HDLBP: variants seen among roughly 807,000 people sequenced by gnomAD.
HDLBP encodes the protein high density lipoprotein binding protein, also known as vigilin.
Under a neutral mutation model 137.3 loss-of-function variants are expected in HDLBP, and 30 were observed. That is an observed-to-expected ratio of 0.22 (90% CI 0.16 to 0.30). The LOEUF is 0.30. HDLBP is among the 10% of genes least tolerant of loss of function. HDLBP has a pLI of 1.00. For synonymous variants in HDLBP, 606 were observed against 596.0 expected (o/e 1.02, Z -0.24); for missense variants, 1,119 against 1,667.3 (o/e 0.67, Z 5.73).
intron 27 of HDLBP, 70 bp from the exon 28 acceptor site, chr2:241,229,757 G>A (rs1023302291): frequency 1.4e-5 from 23 of 1,605,494 alleles, no homozygotes; most frequent in Non-Finnish European, 1.9e-5. Context: ...CGACGCAGTT[G>A]CCACCCTCAG....
In HDLBP at chr2:241,235,595, C is replaced by T; in HGVS notation, c.2905-1G>A. ...CTTCAATGGTGACAGGAACCAATGC[C>T]TGCAGGGAGGATGGTCATGGTTAGG... On this transcript the variant is annotated splice_acceptor_variant, in intron 21 of 27. Transcript: ENST00000310931. LOFTEE classifies it high-confidence loss of function. 1 of 1,608,654 alleles carries T rather than the reference C, an allele frequency of 6.2e-7. No individual in the cohort carries two copies. The highest frequency in any genetic ancestry group is 8.5e-7 in the Non-Finnish European group (1 of 1,175,062).
chr2:241,249,543 A>T, intron 12 of HDLBP: 1 of 558,630 alleles, frequency 1.8e-6, no homozygotes. Context: ...TGTCTGTCAC[A>T]ATCTCTGGAG....
chr2:241,295,108 A>G (rs2075129476), intron 1 of HDLBP, among the ~76,000 whole-genome samples: 1 of 152,206 alleles, frequency 6.6e-6, no homozygotes, highest in African/African-American at 2.4e-5. Flanking sequence ...TCTCAAAGAA[A>G]AAAAGGACAA....
intron 1 of HDLBP, among the ~76,000 whole-genome samples, chr2:241,289,089 A>G (rs138945422): frequency 6.6e-6 from 1 of 152,360 alleles, no homozygotes; most frequent in Non-Finnish European, 1.5e-5. Flanking sequence ...AAGAATCTGA[A>G]AGATTAATCT....
intron 21 of HDLBP, 112 bp downstream of exon 21, chr2:241,236,503 C>T (rs2070470563): frequency 1.9e-6 from 2 of 1,065,004 alleles, no homozygotes; most frequent in Non-Finnish European, 2.8e-6. Flanking sequence ...AGGGCTACCT[C>T]CACTGCCACT....
rs1244667046 is a variant in HDLBP at position 241,249,838 on chromosome 2, T to C, written c.1512+3A>G. On this transcript the variant is annotated splice_donor_region_variant and intron_variant, in intron 12 of 27. Coordinates refer to ENST00000310931, the MANE Select transcript of HDLBP (RefSeq NM_005336.6). The stretch of plus-strand genomic sequence containing the variant: ...TTCTAGAGGGCCCAGCCATGGCACT[T>C]ACCATGCGAGATGCAAGCTCCAGCA... 4 of 1,601,572 alleles carry C rather than the reference T, an allele frequency of 2.5e-6. No homozygotes were observed. Among genetic ancestry groups the C allele is most frequent in the Admixed American group, 1.7e-5 (1 of 57,612 alleles).
intron 4 of HDLBP, among the ~76,000 whole-genome samples, chr2:241,263,453 C>T (rs952210196): frequency 3.3e-5 from 5 of 152,036 alleles, no homozygotes; most frequent in South Asian, 2.1e-4. Flanking sequence ...GGGTCCCTCC[C>T]GTTGCTTTAT....
At chr2:241,250,843 G>A (rs1326744194) in intron 11 of HDLBP, 3 of 152,092 alleles carry the variant, frequency 2.0e-5, no homozygotes, top group African/African-American at 7.3e-5. Context: ...TTTAGATTAC[G>A]AAAGAAGACA....
chr2:241,242,301 G>GT (rs146855559), intron 17 of HDLBP, among the ~76,000 whole-genome samples, 159 bp downstream of exon 17: 12,040 of 152,244 alleles, frequency 0.079, 584 homozygotes, highest in Middle Eastern at 0.15. Context: ...AGGCCCTCCA[G>GT]TAACAGCAAA....
chr2:241,252,958 G>A lies in HDLBP; in HGVS notation c.1371C>T (p.Asn457=), dbSNP rs1205680154. 1.9e-6 allele frequency: 3 copies of A among 1,602,314 alleles called. No individual in the cohort carries two copies. Among genetic ancestry groups the A allele is most frequent in the Non-Finnish European group, 1.7e-6 (2 of 1,169,868 alleles). The change falls in exon 11 of 28, where the codon AAC becomes AAT. Residue 457 remains asparagine (N), a splice_region_variant and synonymous_variant. Coordinates refer to ENST00000310931, the MANE Select transcript of HDLBP (RefSeq NM_005336.6). The part of the protein sequence containing the change: ...HRHLIGKSGA[N]INRIKDQYKV... ...ACCGCAACAGACAGCCTCACTCACTGTTGGCACCGCTCTTCCCAATGAGGT... is the reference window on the plus strand; with the variant it reads ...ACCGCAACAGACAGCCTCACTCACTATTGGCACCGCTCTTCCCAATGAGGT...
At chr2:241,276,726 A>G (rs997446030) in intron 1 of HDLBP, among the ~76,000 whole-genome samples, 9 of 152,222 alleles carry the variant, frequency 5.9e-5, no homozygotes, top group African/African-American at 2.2e-4. Context: ...AGAGAAGGTC[A>G]AGAACTTAAA....
intron 1 of HDLBP, among the ~76,000 whole-genome samples, chr2:241,289,530 T>C (rs181415058): frequency 1.4e-4 from 21 of 152,248 alleles, no homozygotes; most frequent in Admixed American, 1.1e-3. Flanking sequence ...GATCAGAACA[T>C]TACCATGTAA....
intron 1 of HDLBP, among the ~76,000 whole-genome samples, chr2:241,293,886 C>A (rs1426021387): frequency 1.1e-4 from 14 of 122,608 alleles, no homozygotes; most frequent in South Asian, 2.7e-4. Context: ...TGCACCACTG[C>A]AATCCAGCCT....
intron 1 of HDLBP, among the ~76,000 whole-genome samples, chr2:241,297,533 T>A (rs964287272): frequency 6.6e-6 from 1 of 152,200 alleles, no homozygotes; most frequent in Non-Finnish European, 1.5e-5. Flanking sequence ...ATGTTTTGTA[T>A]ATGTATGTAT....
Position 241,230,481 on chromosome 2 carries a change from G to A in HDLBP, c.3475-212C>T, listed in dbSNP as rs1220621028. ...CCCAGCAGACAGAGGGCCGCAGCAC[G>A]TACTGTGCGCTCTTGCATGAAATTC... On this transcript the variant is annotated intron_variant, in intron 25 of 27. Transcript: ENST00000310931. The surrounding 1 kb of genome is among the most constrained non-coding windows in gnomAD (Gnocchi z 5.0). 1.3e-5 allele frequency among the ~76,000 whole-genome samples: 2 copies of A among 152,244 alleles called. No individual in the cohort carries two copies. The highest frequency in any genetic ancestry group is 2.4e-5 in the African/African-American group (1 of 41,468).
chr2:241,307,032 ACAGT>A (rs1690282926), intron 1 of HDLBP, among the ~76,000 whole-genome samples: 3 of 128,870 alleles, frequency 2.3e-5, no homozygotes, highest in Non-Finnish European at 4.8e-5. Flanking sequence ...GACTCCCAGT[ACAGT>A]CAAAGACACC....
At position 241,230,183 on chromosome 2, in the gene HDLBP, G is replaced by A. The variant is rs535238598; in HGVS notation, c.3561C>T (p.Ile1187=). ...TGLPENVEEA[I]DHILNLEEEY... is the part of the protein sequence containing the mutation. Reference sequence around the variant, plus strand: ...CCTCCTCCAGATTGAGGATGTGGTCGATGGCTTCCTCCACATTCTCTGGGA... The same window carrying A: ...CCTCCTCCAGATTGAGGATGTGGTCAATGGCTTCCTCCACATTCTCTGGGA... The change falls in exon 26 of 28, where the codon ATC becomes ATT. Residue 1187 remains isoleucine, a synonymous_variant. Transcript: ENST00000310931. This position sits in a 1 kb window ranked among gnomAD's most constrained non-coding sequence, Gnocchi z 5.0. 1.2e-5 allele frequency: 20 copies of A among 1,613,614 alleles called. No individual in the cohort carries two copies. The East Asian group carries it at 1.8e-4, about 14-fold the overall frequency.
intron 17 of HDLBP, among the ~76,000 whole-genome samples, chr2:241,241,397 C>G (rs964639694): frequency 2.0e-5 from 3 of 151,748 alleles, no homozygotes; most frequent in African/African-American, 7.3e-5. Context: ...GAAACCCCAT[C>G]TCTACTAAAA....
At chr2:241,246,687 G>C in intron 16 of HDLBP, 65 bp downstream of exon 16, 1 of 1,524,946 alleles carries the variant, frequency 6.6e-7, no homozygotes, top group Non-Finnish European at 9.0e-7. Flanking sequence ...TCAACCCCAG[G>C]CTCAATCTTA....
Sources: gnomAD v4.1 joint callset for allele counts (sites outside exome capture counted in the v4.1 genomes callset) on GRCh38, gnomAD v4.1.1 for gene constraint, Gnocchi (gnomAD v3.1) non-coding constraint, MANE v1.5 for transcripts, NCBI Gene and HGNC (gene_info 2026-07-23, HGNC 2026-07-21) for gene names.